ACACB: variants seen among roughly 807,000 people sequenced by gnomAD.
The protein encoded by ACACB is acetyl-CoA carboxylase 2.
ACACB carries 209 observed loss-of-function variants against 278.8 expected under a neutral mutation model. That is an observed-to-expected ratio of 0.75 (90% CI 0.67 to 0.84). The LOEUF is 0.84. ACACB is among the 40% of genes least tolerant of loss of function. The pLI, the probability that ACACB is intolerant of heterozygous loss-of-function variation, is 0.00. For synonymous variants in ACACB, 1,174 were observed against 1,285.6 expected, an observed-to-expected ratio of 0.91 and a Z score of 1.86; for missense variants, 2,850 against 3,269.0, an observed-to-expected ratio of 0.87 and a Z score of 3.13.
In ACACB at chr12:109,132,473, G is replaced by A. The variant is rs556466075; in HGVS notation, c.-9-6924G>A. 3.9e-5 allele frequency among the ~76,000 whole-genome samples: 6 copies of A among 152,282 alleles called. No individual in the cohort carries two copies. The South Asian group carries it at 1.2e-3, about 32-fold the overall frequency. On this transcript the variant is annotated intron_variant, in intron 1 of 52. Transcript: ENST00000338432. ...AGCCATCACGCCCGGTCCCATGGAG[G>A]TGTTTTAAGGATTGGAGGGAGGTGG...
intron 20 of ACACB, among the ~76,000 whole-genome samples, chr12:109,208,530 G>T (rs2045589487): frequency 6.6e-6 from 1 of 152,100 alleles, no homozygotes; most frequent in African/African-American, 2.4e-5. Flanking sequence ...TTTATTAGTT[G>T]GGGCACTTCG....
chr12:109,159,092 C>A (rs1424656536), intron 2 of ACACB, among the ~76,000 whole-genome samples: 6 of 152,222 alleles, frequency 3.9e-5, no homozygotes, highest in Non-Finnish European at 5.9e-5. Context: ...TTTGCCCACT[C>A]ACCCCTGGCC....
chr12:109,180,193 G>C (rs766506583), intron 11 of ACACB, 106 bp downstream of exon 11: 7 of 1,172,366 alleles, frequency 6.0e-6, no homozygotes, highest in Non-Finnish European at 8.4e-6. Context: ...ACTGTCCCAG[G>C]GGAATGACTG....
At chr12:109,134,353 G>C (rs973420667) in intron 1 of ACACB, among the ~76,000 whole-genome samples, 2 of 152,178 alleles carry the variant, frequency 1.3e-5, no homozygotes, top group African/African-American at 4.8e-5. Context: ...GCCAGCAGAG[G>C]GCATGAGAGG....
At chr12:109,155,719 G>A (rs1363672835) in intron 2 of ACACB, among the ~76,000 whole-genome samples, 1 of 151,642 alleles carries the variant, frequency 6.6e-6, no homozygotes, top group East Asian at 1.9e-4. Context: ...CCCACTGCCT[G>A]TTTTGGGATG....
chr12:109,242,627 G>C, intron 37 of ACACB, 35 bp downstream of exon 37: 1 of 1,610,680 alleles, frequency 6.2e-7, no homozygotes, highest in Non-Finnish European at 8.5e-7. Flanking sequence ...TACCCCCTGG[G>C]TCCTCCCAGC....
chr12:109,153,379 G>C (rs2043431061), intron 2 of ACACB, among the ~76,000 whole-genome samples: 1 of 152,140 alleles, frequency 6.6e-6, no homozygotes, highest in South Asian at 2.1e-4. Flanking sequence ...AATGATTGTA[G>C]GGACCAAGGG....
intron 4 of ACACB, among the ~76,000 whole-genome samples, chr12:109,170,058 T>C (rs564026186): frequency 3.0e-4 from 46 of 152,342 alleles, no homozygotes; most frequent in Non-Finnish European, 5.7e-4. Context: ...AAAACACTGC[T>C]CAGTGGCTGT....
chr12:109,156,587 GT>G (rs10616119), intron 2 of ACACB, among the ~76,000 whole-genome samples: 29,869 of 130,944 alleles, frequency 0.23, 2,821 homozygotes, highest in East Asian at 0.32. Flanking sequence ...GTTTCTCTCT[GT>G]TTTTTTTTTT....
chr12:109,252,162 C>A lies in ACACB; in HGVS notation c.5901+6C>A. 1 of 1,596,196 alleles carries A rather than the reference C, an allele frequency of 6.3e-7. No individual in the cohort carries two copies. Among genetic ancestry groups the A allele is most frequent in the South Asian group, 1.1e-5 (1 of 88,418 alleles). ...GAGCAAGTGCTCTCAACAAGGTGAC[C>A]AAAAAGGGGCCTGTGCAGAGTGGAT... On this transcript the variant is annotated splice_donor_region_variant and intron_variant, in intron 42 of 52. Coordinates refer to ENST00000338432, the MANE Select transcript of ACACB (RefSeq NM_001093.4).
At chr12:109,155,230 C>A (rs1304532192) in intron 2 of ACACB, among the ~76,000 whole-genome samples, 1 of 152,146 alleles carries the variant, frequency 6.6e-6, no homozygotes, top group Non-Finnish European at 1.5e-5. Context: ...CGCAGGGGCA[C>A]GCCTTCCCCG....
At chr12:109,129,390 G>A (rs562964070) in intron 1 of ACACB, among the ~76,000 whole-genome samples, 1 of 152,326 alleles carries the variant, frequency 6.6e-6, no homozygotes, top group East Asian at 1.9e-4. Context: ...GGCTGTCATA[G>A]GCCACACACA....
rs187679044 is a variant in ACACB at position 109,240,668 on chromosome 12, A to G, written c.4819-410A>G. 1.4e-3 allele frequency among the ~76,000 whole-genome samples: 215 copies of G among 151,426 alleles called. 1 individual carries two copies. Among genetic ancestry groups the G allele is most frequent in the African/African-American group, 5.0e-3 (206 of 41,396 alleles). The stretch of plus-strand genomic sequence containing the variant: ...TTATTAAAAAGAGAAGTCCTGATAC[A>G]TCCGTTTGGTATCTGGGGGATTCAG... On this transcript the variant is annotated intron_variant, in intron 35 of 52. Transcript: ENST00000338432.
chr12:109,235,119 A>G (rs2046596724), intron 31 of ACACB, among the ~76,000 whole-genome samples, 194 bp from the exon 32 acceptor site: 1 of 151,876 alleles, frequency 6.6e-6, no homozygotes, highest in Admixed American at 6.6e-5. Context: ...CCACTAATCT[A>G]CTTTCTCTCT....
chr12:109,164,240 T>C (rs998406479), intron 2 of ACACB, among the ~76,000 whole-genome samples: 8 of 152,136 alleles, frequency 5.3e-5, no homozygotes, highest in African/African-American at 1.7e-4. Context: ...TCCTGAAATT[T>C]CTTTTTGTTT....
chr12:109,248,471 C>T (rs897035596), intron 40 of ACACB, among the ~76,000 whole-genome samples: 6 of 152,204 alleles, frequency 3.9e-5, no homozygotes, highest in African/African-American at 1.4e-4. Context: ...GCCAATAGTG[C>T]AGCCTTCAGT....
At chr12:109,179,737 C>T (rs369461859) in intron 10 of ACACB, among the ~76,000 whole-genome samples, 180 bp from the exon 11 acceptor site, 7 of 152,160 alleles carry the variant, frequency 4.6e-5, no homozygotes, top group East Asian at 1.9e-4. Context: ...GTGATCCTCC[C>T]GCCTTGGCCT....
chr12:109,265,921 T>C (rs747779508), intron 52 of ACACB, among the ~76,000 whole-genome samples: 16 of 152,222 alleles, frequency 1.1e-4, no homozygotes, highest in Non-Finnish European at 1.8e-4. Context: ...CCAATTGCCA[T>C]GGGGTCACCC....
intron 26 of ACACB, 47 bp from the exon 27 acceptor site, chr12:109,223,768 C>G (rs752712927): frequency 5.8e-6 from 9 of 1,542,196 alleles, no homozygotes; most frequent in Non-Finnish European, 8.1e-6. Flanking sequence ...AAACCTGAAA[C>G]TTGTTCACAT....
Sources: gnomAD v4.1 joint callset for allele counts (sites outside exome capture counted in the v4.1 genomes callset) on GRCh38, gnomAD v4.1.1 for gene constraint, MANE v1.5 for transcripts, NCBI Gene and HGNC (gene_info 2026-07-23, HGNC 2026-07-21) for gene names.